The following MTURN variants were observed in gnomAD, a reference collection of about 807,000 sequenced individuals.
MTURN encodes maturin, neural progenitor differentiation regulator homolog.
MTURN carries 7 observed loss-of-function variants against 14.9 expected under a neutral mutation model. That is an observed-to-expected ratio of 0.47 (90% confidence interval 0.27 to 0.88). MTURN has a LOEUF of 0.88. MTURN is among the 40% of genes least tolerant of loss of function. The probability of loss-of-function intolerance (pLI) is 0.14; values close to 1 mark genes in which losing one functional copy is unlikely to be tolerated. For synonymous variants in MTURN, 69 were observed against 72.5 expected (o/e 0.95, Z 0.25); for missense variants, 151 against 174.1 (o/e 0.87, Z 0.75).
chr7:30,145,700 G>A (rs995058417), intron 1 of MTURN: 10 of 806,554 alleles, frequency 1.2e-5, no homozygotes, highest in South Asian at 4.3e-5. Flanking sequence ...TTACCACCAC[G>A]CCTACTCACA....
At chr7:30,143,355 CT>C (rs35968379) in intron 1 of MTURN, among the ~76,000 whole-genome samples, 10,219 of 136,590 alleles carry the variant, frequency 0.075, 364 homozygotes, top group Admixed American at 0.1. Flanking sequence ...TCCCTTTGTC[CT>C]TTTTTTTTTT....
At chr7:30,141,671 C>T (rs1797055120) in intron 1 of MTURN, among the ~76,000 whole-genome samples, 1 of 152,108 alleles carries the variant, frequency 6.6e-6, no homozygotes, top group Non-Finnish European at 1.5e-5. Context: ...TACAGGTGCG[C>T]ACCACCACAC....
rs1218443419 is a variant in MTURN, at chr7:30,159,089, T to A, written c.*1541T>A. ...TAAAACAGCGTACTCCAGTTTTAAG[T>A]CATCGGGTAAAATAATAGGACAGTG... On this transcript the variant is annotated 3_prime_UTR_variant, in exon 3 of 3. Transcript: ENST00000324453. The A allele has an allele frequency of 6.6e-6, 1 of 152,226 alleles. No individual in the cohort carries two copies. Among genetic ancestry groups the A allele is most frequent in the African/African-American group, 2.4e-5 (1 of 41,446 alleles). The allele number at this position is 152,226 out of a possible 1,614,324, so 9.4% of individuals were successfully genotyped here.
chr7:30,151,240 C>A (rs1330463117), intron 2 of MTURN, among the ~76,000 whole-genome samples: 1 of 152,206 alleles, frequency 6.6e-6, no homozygotes, highest in Non-Finnish European at 1.5e-5. Context: ...CAATGCCAGG[C>A]AGGCTGTTGT....
chr7:30,138,949 A>G (rs868442899), intron 1 of MTURN, among the ~76,000 whole-genome samples: 13 of 152,090 alleles, frequency 8.5e-5, no homozygotes, highest in African/African-American at 3.1e-4. Context: ...GAGGCCCAAG[A>G]GAAGCCTTCC....
At chr7:30,153,280 A>G (rs1226109010) in intron 2 of MTURN, among the ~76,000 whole-genome samples, 1 of 152,148 alleles carries the variant, frequency 6.6e-6, no homozygotes, top group Non-Finnish European at 1.5e-5. Flanking sequence ...AGATTACTAC[A>G]TATCTGTAAG....
At chr7:30,136,363 G>A (rs1222868545) in intron 1 of MTURN, among the ~76,000 whole-genome samples, 4 of 152,202 alleles carry the variant, frequency 2.6e-5, no homozygotes, top group Admixed American at 2.6e-4. Context: ...TCCAAGGTCG[G>A]GGAATAAATA....
At chr7:30,157,197 A>T (rs895206856) in intron 2 of MTURN, among the ~76,000 whole-genome samples, 1 of 152,168 alleles carries the variant, frequency 6.6e-6, no homozygotes, top group Non-Finnish European at 1.5e-5. Context: ...ACATTTTGAT[A>T]CTTAAAAATA....
At chr7:30,146,096 T>C in intron 1 of MTURN, 81 bp from the exon 2 acceptor site, 2 of 1,602,094 alleles carry the variant, frequency 1.2e-6, no homozygotes, top group East Asian at 2.2e-5. Context: ...TAAGAAAATC[T>C]GCTTGGCTTT....
chr7:30,155,336 G>A (rs754326000), intron 2 of MTURN, among the ~76,000 whole-genome samples: 2 of 152,160 alleles, frequency 1.3e-5, no homozygotes, highest in Admixed American at 6.5e-5. Flanking sequence ...TATTTTACCA[G>A]CTATTTAAAT....
chr7:30,149,256 A>G (rs1285529825), intron 2 of MTURN, among the ~76,000 whole-genome samples: 1 of 152,230 alleles, frequency 6.6e-6, no homozygotes, highest in Non-Finnish European at 1.5e-5. Context: ...GTGGGCCCAC[A>G]GCTTTGGTGT....
rs1320133688 is a variant in MTURN at position 30,162,486 on chromosome 7, T to C, written c.*4938T>C. 3 of 146,600 alleles carry C rather than the reference T, an allele frequency of 2.0e-5. No individual in the cohort carries two copies. The highest frequency in any genetic ancestry group is 8.1e-5 in the African/African-American group (3 of 37,070). 9.1% of individuals were successfully genotyped at this position (146,600 alleles called of 1,614,324 possible). On this transcript the variant is annotated 3_prime_UTR_variant, in exon 3 of 3. Coordinates refer to ENST00000324453, the MANE Select transcript of MTURN (RefSeq NM_152793.3). Reference sequence around the variant, plus strand: ...GAATAGTTGTTGGGTTTTTGTTTTTTGGTTGTTGTTTTTTTTTTTTTTTAG... The same window carrying C: ...GAATAGTTGTTGGGTTTTTGTTTTTCGGTTGTTGTTTTTTTTTTTTTTTAG...
intron 2 of MTURN, among the ~76,000 whole-genome samples, chr7:30,149,415 G>A (rs985990713): frequency 4.6e-5 from 7 of 152,164 alleles, no homozygotes; most frequent in African/African-American, 1.4e-4. Context: ...TGGCAGGGCC[G>A]GTTTACCCCT....
At chr7:30,152,736 A>T (rs1797231195) in intron 2 of MTURN, among the ~76,000 whole-genome samples, 1 of 152,220 alleles carries the variant, frequency 6.6e-6, no homozygotes, top group Non-Finnish European at 1.5e-5. Flanking sequence ...CTCCAGAGAC[A>T]GTAGCTGCTA....
At chr7:30,149,514 A>C (rs1382455582) in intron 2 of MTURN, among the ~76,000 whole-genome samples, 4 of 152,198 alleles carry the variant, frequency 2.6e-5, no homozygotes, top group Non-Finnish European at 5.9e-5. Context: ...GATGCGCCCC[A>C]GACTGAATGA....
chr7:30,149,706 A>G (rs1340825090), intron 2 of MTURN, among the ~76,000 whole-genome samples: 1 of 152,194 alleles, frequency 6.6e-6, no homozygotes, highest in East Asian at 1.9e-4. Flanking sequence ...ATCACAGTTG[A>G]ACGTATTTGT....
chr7:30,141,785 A>G (rs1242717570), intron 1 of MTURN, among the ~76,000 whole-genome samples: 1 of 152,150 alleles, frequency 6.6e-6, no homozygotes. Context: ...GGCCTCCCAC[A>G]ATGTTGGAAT....
chr7:30,148,350 TAG>T (rs1234684938), intron 2 of MTURN, among the ~76,000 whole-genome samples: 1 of 152,108 alleles, frequency 6.6e-6, no homozygotes, highest in Admixed American at 6.6e-5. Context: ...CTGAAGGAAT[TAG>T]AGAGAGGTGA....
In MTURN at chr7:30,157,891, A is replaced by G. The variant is rs538375603; in HGVS notation, c.*343A>G. 7 of 159,490 alleles carry G rather than the reference A, an allele frequency of 4.4e-5. No homozygotes were observed. The South Asian group carries it at 1.2e-3, about 28-fold the overall frequency. The allele number at this position is 159,490 out of a possible 1,614,324, so 9.9% of individuals were successfully genotyped here. The stretch of plus-strand genomic sequence containing the variant: ...CTCGAATGTAGAGAACTCTGAATGT[A>G]TTAAGGATAGGTTTTGAGTCCTCAC... On this transcript the variant is annotated 3_prime_UTR_variant, in exon 3 of 3. Coordinates refer to ENST00000324453, the MANE Select transcript of MTURN (RefSeq NM_152793.3).
Sources: allele counts gnomAD v4.1 joint callset (sites outside exome capture counted in the v4.1 genomes callset), GRCh38; gene constraint gnomAD v4.1.1; transcripts MANE v1.5; gene names NCBI Gene and HGNC (gene_info 2026-07-23, HGNC 2026-07-21).